The following WDR70 variants were observed in gnomAD, a reference collection of about 807,000 sequenced individuals.
WDR70 encodes WD repeat-containing protein 70.
In WDR70, 53 loss-of-function variants were observed where a neutral mutation model predicts 88.6. The ratio of observed to expected loss-of-function variants is 0.60; its 90% CI spans 0.48 to 0.75. The LOEUF (loss-of-function observed/expected upper bound fraction) is 0.75, where lower values mean the gene tolerates loss of function less well. Ranked by LOEUF, WDR70 falls within the 30% of genes least tolerant of loss-of-function variation. The pLI, the probability that WDR70 is intolerant of heterozygous loss-of-function variation, is 0.00. For synonymous variants in WDR70, 280 were observed against 270.0 expected, an observed-to-expected ratio of 1.04 and a Z score of -0.36; for missense variants, 610 against 823.2, an observed-to-expected ratio of 0.74 and a Z score of 3.17.
rs559950436 is a variant in WDR70, at chr5:37,416,253, A to C, written c.492+19683A>C. ...ACTGAGTGAACGAGACTCCGTCTGC[A>C]ATCCCGGCACCTCGGGAGGCCGAGG... On this transcript the variant is annotated intron_variant, in intron 5 of 17. Transcript: ENST00000265107. Among the ~76,000 whole-genome samples the C allele has an allele frequency of 5.9e-5, 9 of 152,356 alleles. No homozygotes were observed. The East Asian group carries it at 1.4e-3, about 23-fold the overall frequency.
At chr5:37,488,076 G>A (rs1408714143) in intron 8 of WDR70, among the ~76,000 whole-genome samples, 1 of 129,642 alleles carries the variant, frequency 7.7e-6, no homozygotes. Flanking sequence ...GTCTTGGGTG[G>A]CTTTTTTTTT....
intron 9 of WDR70, among the ~76,000 whole-genome samples, chr5:37,533,984 G>A (rs1005493088): frequency 1.1e-4 from 16 of 152,254 alleles, no homozygotes; most frequent in South Asian, 2.1e-4. Context: ...GTGACTCAGG[G>A]AGCCTGCAGT....
At chr5:37,607,388 T>G (rs957955618) in intron 10 of WDR70, among the ~76,000 whole-genome samples, 1 of 152,206 alleles carries the variant, frequency 6.6e-6, no homozygotes, top group Admixed American at 6.5e-5. Context: ...ATGGTTAATC[T>G]GTATTTTGTG....
At chr5:37,488,783 A>G (rs1258931301) in intron 8 of WDR70, among the ~76,000 whole-genome samples, 1 of 151,852 alleles carries the variant, frequency 6.6e-6, no homozygotes, top group African/African-American at 2.4e-5. Context: ...TTTTTCAGAC[A>G]TTTCATATTT....
intron 10 of WDR70, among the ~76,000 whole-genome samples, chr5:37,621,665 C>T: frequency 6.6e-6 from 1 of 152,028 alleles, no homozygotes; most frequent in East Asian, 1.9e-4. Flanking sequence ...AAATTTTCTC[C>T]CATTCTGTAG....
chr5:37,605,013 C>A (rs201051169), intron 9 of WDR70, 51 bp from the exon 10 acceptor site: 8 of 1,453,758 alleles, frequency 5.5e-6, no homozygotes, highest in Non-Finnish European at 7.3e-6. Context: ...TAACCTCCCC[C>A]CTCCTTCTTT....
intron 10 of WDR70, among the ~76,000 whole-genome samples, chr5:37,647,429 AT>A (rs948569070): frequency 9.2e-5 from 14 of 151,498 alleles, no homozygotes; most frequent in Admixed American, 5.3e-4. Context: ...ATGCTTGGGG[AT>A]TTTTTTTGGT....
chr5:37,706,714 A>AACACACAC (rs1332384520), intron 13 of WDR70, among the ~76,000 whole-genome samples: 3 of 52,018 alleles, frequency 5.8e-5, no homozygotes, highest in African/African-American at 1.7e-4. Context: ...AGAACAGAGT[A>AACACACAC]ATACACACAC....
intron 10 of WDR70, among the ~76,000 whole-genome samples, chr5:37,667,374 T>C (rs1355570429): frequency 6.6e-6 from 1 of 152,218 alleles, no homozygotes; most frequent in Non-Finnish European, 1.5e-5. Flanking sequence ...TATGTTTTAC[T>C]GCACTGAATA....
At chr5:37,424,988 A>C (rs1162185784) in intron 5 of WDR70, among the ~76,000 whole-genome samples, 2 of 152,216 alleles carry the variant, frequency 1.3e-5, no homozygotes, top group African/African-American at 2.4e-5. Flanking sequence ...TCACGCCTGT[A>C]ATCCCAGCAC....
At chr5:37,602,157 A>G (rs534778621) in intron 9 of WDR70, among the ~76,000 whole-genome samples, 1 of 152,296 alleles carries the variant, frequency 6.6e-6, no homozygotes, top group Non-Finnish European at 1.5e-5. Context: ...ACCATGGCGC[A>G]TGTATACCTA....
intron 10 of WDR70, among the ~76,000 whole-genome samples, chr5:37,619,793 T>C (rs1032358541): frequency 1.3e-5 from 2 of 151,956 alleles, no homozygotes; most frequent in South Asian, 4.1e-4. Context: ...CAAGCCACAG[T>C]AATTTATCAA....
At chr5:37,629,364 T>C (rs1052820354) in intron 10 of WDR70, among the ~76,000 whole-genome samples, 2 of 152,206 alleles carry the variant, frequency 1.3e-5, no homozygotes, top group Non-Finnish European at 2.9e-5. Flanking sequence ...TCATTAAATA[T>C]GATTTCCTCA....
intron 5 of WDR70, among the ~76,000 whole-genome samples, chr5:37,420,732 T>C (rs1359168154): frequency 6.6e-6 from 1 of 152,016 alleles, no homozygotes; most frequent in African/African-American, 2.4e-5. Flanking sequence ...GCCAACATGG[T>C]GAAACCCCGT....
chr5:37,726,991 G>A lies in WDR70; in HGVS notation c.1823G>A (p.Arg608His), dbSNP rs1254777280. Residue 608 changes from arginine to histidine, a missense_variant, in exon 17 of 18, where the codon CGT (arginine) becomes CAT (histidine). Transcript: ENST00000265107. ...DDSNPREAIL[R>H]HAKAAEDSPY... ...AGTAATCCTCGGGAAGCCATTTTGC[G>A]TCATGCCAAAGCAGCAGAAGACAGC... 9 of 1,610,930 alleles carry A rather than the reference G, an allele frequency of 5.6e-6. No homozygotes were observed. Among genetic ancestry groups the A allele is most frequent in the African/African-American group, 1.3e-5 (1 of 74,696 alleles).
intron 7 of WDR70, among the ~76,000 whole-genome samples, chr5:37,465,646 A>G (rs1739128037): frequency 6.9e-6 from 1 of 145,478 alleles, no homozygotes; most frequent in Non-Finnish European, 1.5e-5. Context: ...TCCAAAAGAC[A>G]AATTGTCATG....
At chr5:37,584,682 T>C (rs1743315594) in intron 9 of WDR70, among the ~76,000 whole-genome samples, 1 of 152,082 alleles carries the variant, frequency 6.6e-6, no homozygotes, top group South Asian at 2.1e-4. Context: ...ATAGCCATAA[T>C]TATGTTAAAC....
At chr5:37,562,905 C>T (rs961827932) in intron 9 of WDR70, among the ~76,000 whole-genome samples, 6 of 151,654 alleles carry the variant, frequency 4.0e-5, no homozygotes, top group South Asian at 2.1e-4. Context: ...CCTTTCCCCC[C>T]TTTCTATTCC....
At chr5:37,396,042 A>G (rs968982774) in intron 4 of WDR70, among the ~76,000 whole-genome samples, 1 of 152,158 alleles carries the variant, frequency 6.6e-6, no homozygotes, top group African/African-American at 2.4e-5. Context: ...CAAGCAGTCC[A>G]CCTGCCTTGG....
Sources: gnomAD v4.1 joint callset for allele counts (sites outside exome capture counted in the v4.1 genomes callset) on GRCh38, gnomAD v4.1.1 for gene constraint, MANE v1.5 for transcripts, NCBI Gene and HGNC (gene_info 2026-07-23, HGNC 2026-07-21) for gene names.